Variants in FTCD observed in about 807,000 individuals in gnomAD.
FTCD encodes formimidoyltransferase-cyclodeaminase.
Under a neutral mutation model 62.9 loss-of-function variants are expected in FTCD, and 76 were observed. The ratio of observed to expected loss-of-function variants is 1.21; its 90% CI spans 1.00 to 1.46. The LOEUF (loss-of-function observed/expected upper bound fraction) is 1.46. Ranked by LOEUF, FTCD falls within the 40% of genes most tolerant of loss-of-function variation. The probability of loss-of-function intolerance (pLI) is 0.00; values close to 1 mark genes in which losing one functional copy is unlikely to be tolerated. For missense variants in FTCD, 845 were observed against 751.3 expected (o/e 1.12, Z -1.46); for synonymous variants, 397 against 336.9 (o/e 1.18, Z -1.95).
Position 46,145,539 on chromosome 21 carries a change from C to A in FTCD, c.1138G>T (p.Gly380Trp), listed in dbSNP as rs766121604. 1.4e-5 allele frequency: 22 copies of A among 1,546,328 alleles called. No individual in the cohort carries two copies. In the East Asian group the frequency reaches 5.1e-4, roughly 36 times the overall value. ...TCCAGGGACTGGAATTGGCGCCGCC[C>A]GTAGGTCATGAGGCCCACCATGGAG... ...LGSMVGLMTY[G>W]RRQFQSLDTT... is the part of the protein sequence containing the mutation. Residue 380 changes from glycine to tryptophan, a missense_variant, in exon 10 of 14, where the codon GGG (glycine) becomes TGG (tryptophan). By Grantham distance (184) the Gly-to-Trp change is radical. Transcript: ENST00000397746.
chr21:46,145,753 G>GCCCTTCCCCCAACAACTGCGCCCTC, intron 9 of FTCD, 65 bp downstream of exon 9: 1 of 235,426 alleles, frequency 4.2e-6, no homozygotes, highest in Non-Finnish European at 6.6e-6. Flanking sequence ...CCCCAACAGC[G>GCCCTTCCCCCAACAACTGCGCCCTC]CCCTTCCCCC....
At chr21:46,146,218 G>A in intron 8 of FTCD, 48 bp downstream of exon 8, 1 of 1,374,838 alleles carries the variant, frequency 7.3e-7, no homozygotes, top group South Asian at 1.2e-5. Flanking sequence ...AGGCCCGAGA[G>A]GCAGAGCCCG....
intron 11 of FTCD, 21 bp from the exon 12 acceptor site, chr21:46,138,667 G>C (rs1414071026): frequency 1.3e-6 from 2 of 1,594,884 alleles, no homozygotes; most frequent in Non-Finnish European, 1.7e-6. Flanking sequence ...CAAGAGGAGA[G>C]CCTGAGCACA....
intron 4 of FTCD, 55 bp from the exon 5 acceptor site, chr21:46,151,792 C>A: frequency 1.9e-6 from 3 of 1,600,054 alleles, no homozygotes; most frequent in Non-Finnish European, 1.7e-6. Context: ...GAACAGCCCC[C>A]CGGGGTCCCG....
In FTCD at chr21:46,138,494, C is replaced by A; in HGVS notation, c.1443+14G>T. 2 of 1,576,576 alleles carry A rather than the reference C, an allele frequency of 1.3e-6. No homozygotes were observed. The highest frequency in any genetic ancestry group is 1.7e-6 in the Non-Finnish European group (2 of 1,168,300). Reference sequence around the variant, plus strand: ...TTTGCGGCAGGAGGCCTGGGGTCCCCCGGGCCCCCCTACCTGGAGGTCTGA... The same window carrying A: ...TTTGCGGCAGGAGGCCTGGGGTCCCACGGGCCCCCCTACCTGGAGGTCTGA... On this transcript the variant is annotated intron_variant, in intron 12 of 13. Coordinates refer to ENST00000397746, the MANE Select transcript of FTCD (RefSeq NM_206965.2).
intron 10 of FTCD, chr21:46,142,745 T>C (rs1265313027): frequency 1.3e-5 from 2 of 152,146 alleles, no homozygotes; most frequent in African/African-American, 2.4e-5. Context: ...TATGCCCTTA[T>C]TTGGCCCCGC....
chr21:46,145,783 A>AGCGCCCTCCCCCCAACC (rs2079130398), intron 9 of FTCD, 35 bp downstream of exon 9: 4 of 346,572 alleles, frequency 1.2e-5, no homozygotes, highest in East Asian at 5.2e-5. Context: ...TCCCCCCAAC[A>AGCGCCCTCCCCCCAACC]ACTGCGCCTC....
intron 5 of FTCD, 111 bp downstream of exon 5, chr21:46,151,447 C>G: frequency 1.0e-6 from 1 of 972,902 alleles, no homozygotes; most frequent in Non-Finnish European, 1.5e-6. Flanking sequence ...GAGGCCGAAC[C>G]CTGTCCGGCC....
chr21:46,137,198 C>T (rs1057180494), intron 13 of FTCD, 41 bp downstream of exon 13: 1 of 1,581,716 alleles, frequency 6.3e-7, no homozygotes, highest in African/African-American at 1.3e-5. Context: ...GAATCCAGGC[C>T]CCCACGTGGG....
At chr21:46,141,539 T>C (rs1353614989) in intron 10 of FTCD, among the ~76,000 whole-genome samples, 2 of 152,136 alleles carry the variant, frequency 1.3e-5, no homozygotes, top group East Asian at 1.9e-4. Context: ...GAAAAGATCA[T>C]CTTGTTCTGG....
Position 46,138,564 on chromosome 21 carries a change from G to T in FTCD, c.1387C>A (p.Pro463Thr). The change falls in exon 12 of 14, where the codon CCG becomes ACG. Residue 463 changes from proline (P) to threonine (T), a missense_variant. By Grantham distance (38) the Pro-to-Thr change is conservative. Transcript: ENST00000397746. ...CACCGGGCCAGTTCCTGCAGGGCCG[G>T]CCACAGCGAGGCCACCGTCTCCGCC... ...TLAETVASLW[P>T]ALQELARCGN... 6.3e-7 allele frequency: 1 copy of T among 1,586,564 alleles called. No homozygotes were observed.
chr21:46,140,777 C>T (rs111626081), intron 10 of FTCD, among the ~76,000 whole-genome samples: 871 of 145,540 alleles, frequency 6.0e-3, no homozygotes, highest in African/African-American at 0.022. Context: ...TCCACCTTCA[C>T]GTGGCTCACA....
chr21:46,153,141 T>A (rs2079341540), intron 2 of FTCD, 106 bp from the exon 3 acceptor site: 1 of 1,215,058 alleles, frequency 8.2e-7, no homozygotes, highest in Non-Finnish European at 1.1e-6. Context: ...CAGCCCCCAG[T>A]CCACACACCC....
At chr21:46,137,708 A>G (rs1213976207) in intron 12 of FTCD, among the ~76,000 whole-genome samples, 2 of 152,064 alleles carry the variant, frequency 1.3e-5, no homozygotes, top group Non-Finnish European at 2.9e-5. Context: ...CTGAGGGGAC[A>G]CTTCTCTGGG....
chr21:46,148,030 A>G (rs1316702733), intron 7 of FTCD, among the ~76,000 whole-genome samples: 1 of 152,078 alleles, frequency 6.6e-6, no homozygotes, highest in East Asian at 1.9e-4. Flanking sequence ...AAATGTGGAG[A>G]AGCGACAGCT....
Position 46,139,148 on chromosome 21 carries a change from G to T in FTCD, c.1261-225C>A. 3.3e-6 allele frequency: 2 copies of T among 597,808 alleles called. 1 individual carries two copies. Among genetic ancestry groups the T allele is most frequent in the South Asian group, 3.9e-5 (2 of 50,798 alleles). The allele number at this position is 597,808 out of a possible 1,614,324, so 37.0% of individuals were successfully genotyped here. A position where few individuals can be genotyped will look rare whatever the true frequency, so the allele number is the denominator to read the frequency against. Reference sequence around the variant, plus strand: ...ACACAGCAGATGGTCAGAGACCCGGGGATGTGAGAAGCAGGTAGTTCCCTC... The same window carrying T: ...ACACAGCAGATGGTCAGAGACCCGGTGATGTGAGAAGCAGGTAGTTCCCTC... On this transcript the variant is annotated intron_variant, in intron 10 of 13. Transcript: ENST00000397746.
At chr21:46,141,012 T>C (rs1034673428) in intron 10 of FTCD, among the ~76,000 whole-genome samples, 1 of 152,282 alleles carries the variant, frequency 6.6e-6, no homozygotes, top group African/African-American at 2.4e-5. Context: ...CATGGTTCTC[T>C]AAACCACACG....
chr21:46,138,348 C>T (rs747100569), intron 12 of FTCD, among the ~76,000 whole-genome samples, 160 bp downstream of exon 12: 17 of 152,324 alleles, frequency 1.1e-4, no homozygotes, highest in African/African-American at 2.9e-4. Context: ...GCGGACACCC[C>T]GGCCCTGTTG....
At chr21:46,151,295 T>C (rs17004505) in intron 5 of FTCD, among the ~76,000 whole-genome samples, 12,866 of 152,244 alleles carry the variant, frequency 0.085, 662 homozygotes, top group South Asian at 0.21. Flanking sequence ...TGCTGCCACA[T>C]GTTAACAAAG....
Sources: gnomAD v4.1 joint callset for allele counts (sites outside exome capture counted in the v4.1 genomes callset) on GRCh38, gnomAD v4.1.1 for gene constraint, MANE v1.5 for transcripts, NCBI Gene and HGNC (gene_info 2026-07-23, HGNC 2026-07-21) for gene names.